The following CCDC125 variants were observed in gnomAD, a reference collection of about 807,000 sequenced individuals.
CCDC125 encodes coiled-coil domain containing 125.
In CCDC125, 43 loss-of-function variants were observed where a neutral mutation model predicts 57.4. That is an observed-to-expected ratio of 0.75 (90% confidence interval 0.59 to 0.97). The LOEUF is 0.97. CCDC125 is among the 50% of genes least tolerant of loss of function. CCDC125 has a pLI of 0.00. For synonymous variants in CCDC125, 187 were observed against 195.2 expected, an observed-to-expected ratio of 0.96 and a Z score of 0.35; for missense variants, 563 against 595.7, an observed-to-expected ratio of 0.95 and a Z score of 0.57.
chr5:69,315,227 G>A (rs1758820552), intron 2 of CCDC125, among the ~76,000 whole-genome samples: 2 of 150,694 alleles, frequency 1.3e-5, no homozygotes, highest in South Asian at 4.2e-4. Context: ...TTAGACTCCA[G>A]CCTGGGAGAC....
intron 2 of CCDC125, among the ~76,000 whole-genome samples, chr5:69,315,900 G>A (rs1245483706): frequency 7.1e-6 from 1 of 139,876 alleles, no homozygotes; most frequent in Non-Finnish European, 1.5e-5. Flanking sequence ...CTTCCTAAGA[G>A]CTTCATTTTC....
chr5:69,294,479 G>C (rs1399442018), intron 9 of CCDC125, among the ~76,000 whole-genome samples: 1 of 152,060 alleles, frequency 6.6e-6, no homozygotes, highest in African/African-American at 2.4e-5. Flanking sequence ...GGCTAGTAGA[G>C]ACGTGGTTTT....
At chr5:69,325,519 A>AT (rs910007063) in intron 1 of CCDC125, among the ~76,000 whole-genome samples, 37 of 151,640 alleles carry the variant, frequency 2.4e-4, no homozygotes, top group African/African-American at 8.5e-4. Context: ...GTGGAGATGG[A>AT]TTTTTTTTAA....
In CCDC125 at chr5:69,285,387, T is replaced by C. The variant is rs1464399244; in HGVS notation, c.1180A>G (p.Met394Val). Residue 394 changes from methionine to valine, a missense_variant, in exon 11 of 12, where the codon ATG (methionine) becomes GTG (valine). Coordinates refer to ENST00000396496, the MANE Select transcript of CCDC125 (RefSeq NM_176816.5). ...MLPSENSSKR[M>V]EDQDSPQEVL... Reference sequence around the variant, plus strand: ...TCTTGAGGACTGTCCTGGTCTTCCATCCTCTTAGAACTGTTTTCTGAAGGG... The same window carrying C: ...TCTTGAGGACTGTCCTGGTCTTCCACCCTCTTAGAACTGTTTTCTGAAGGG... 10 of 1,612,888 alleles carry C rather than the reference T, an allele frequency of 6.2e-6. No individual in the cohort carries two copies. The highest frequency in any genetic ancestry group is 8.5e-6 in the Non-Finnish European group (10 of 1,179,646).
chr5:69,276,835 C>T (rs1752198450), downstream of CCDC125: 4 of 784,096 alleles, frequency 5.1e-6, no homozygotes, highest in South Asian at 7.8e-5. Flanking sequence ...AGTAGAGAGA[C>T]TGTGCCGTTT....
chr5:69,275,481 A>G (rs1001165863), downstream of CCDC125, among the ~76,000 whole-genome samples: 3 of 152,172 alleles, frequency 2.0e-5, no homozygotes, highest in Non-Finnish European at 2.9e-5. Flanking sequence ...AATGTACAAT[A>G]TTTCACTAAG....
chr5:69,285,414 G>A lies in CCDC125; in HGVS notation c.1153C>T (p.Leu385Phe), dbSNP rs1432940848. ...KTFGQRLLGMLPSENSSKRME... is the reference protein window; with the variant it reads ...KTFGQRLLGMFPSENSSKRME... The stretch of plus-strand genomic sequence containing the variant: ...CTCTTAGAACTGTTTTCTGAAGGGA[G>A]CATACCCAACAGTCTCTGCCCGAAG... Residue 385 changes from leucine (L) to phenylalanine (F), a missense_variant, in exon 11 of 12, where the codon CTC becomes TTC. Transcript: ENST00000396496. 3 of 1,610,750 alleles carry A rather than the reference G, an allele frequency of 1.9e-6. No homozygotes were observed. The highest frequency in any genetic ancestry group is 1.1e-5 in the South Asian group (1 of 90,484).
intron 10 of CCDC125, among the ~76,000 whole-genome samples, chr5:69,291,077 TAC>T (rs1421103128): frequency 7.9e-5 from 12 of 152,212 alleles, no homozygotes; most frequent in Admixed American, 7.9e-4. Context: ...TATTTAGAAA[TAC>T]AGTCATCCTA....
chr5:69,294,060 C>T (rs1254423607), intron 9 of CCDC125: 1 of 756,224 alleles, frequency 1.3e-6, no homozygotes, highest in Non-Finnish European at 1.6e-6. Context: ...AGCAAAGATG[C>T]AAACCTAGGT....
intron 1 of CCDC125, among the ~76,000 whole-genome samples, chr5:69,326,930 C>G (rs1198524037): frequency 6.6e-6 from 1 of 151,986 alleles, no homozygotes; most frequent in Non-Finnish European, 1.5e-5. Flanking sequence ...GTGGTGCACA[C>G]CTGTAGTCCC....
chr5:69,287,676 C>T (rs1272719246), intron 10 of CCDC125, among the ~76,000 whole-genome samples: 1 of 151,532 alleles, frequency 6.6e-6, no homozygotes, highest in Non-Finnish European at 1.5e-5. Flanking sequence ...CTCAAGCGAT[C>T]CTCCCACTTC....
intron 3 of CCDC125, among the ~76,000 whole-genome samples, chr5:69,311,942 C>T (rs1234515783): frequency 6.6e-6 from 1 of 152,116 alleles, no homozygotes; most frequent in Non-Finnish European, 1.5e-5. Flanking sequence ...ACTATATTGG[C>T]CAGGCTGGTC....
chr5:69,290,224 T>TA (rs1754173211), intron 10 of CCDC125, among the ~76,000 whole-genome samples: 1 of 151,984 alleles, frequency 6.6e-6, no homozygotes, highest in African/African-American at 2.4e-5. Flanking sequence ...TAGTAATATA[T>TA]ACTGTTTGAA....
chr5:69,277,356 C>A, downstream of CCDC125: 1 of 402,040 alleles, frequency 2.5e-6, no homozygotes, highest in Non-Finnish European at 4.5e-6. Flanking sequence ...AAGTTCAATA[C>A]TCTTGAAATG....
rs913622936 is a variant in CCDC125, at chr5:69,297,479, C to A, written c.816+2533G>T. Among the ~76,000 whole-genome samples, 3 of 151,796 alleles carry A rather than the reference C, an allele frequency of 2.0e-5. No homozygotes were observed. The East Asian group carries it at 5.9e-4, about 30-fold the overall frequency. ...GGTTCAAGCAATTCTCCTGCCTCAG[C>A]CTCCCAAGTAGCTGGGATTACAGGC... On this transcript the variant is annotated intron_variant, in intron 8 of 11. Transcript: ENST00000396496.
intron 10 of CCDC125, among the ~76,000 whole-genome samples, chr5:69,287,541 G>A (rs964647307): frequency 5.3e-5 from 8 of 151,230 alleles, no homozygotes; most frequent in Non-Finnish European, 1.0e-4. Flanking sequence ...GAGATTACAG[G>A]CGTGCCACTG....
At chr5:69,315,715 G>A (rs1206601550) in intron 2 of CCDC125, among the ~76,000 whole-genome samples, 8 of 131,858 alleles carry the variant, frequency 6.1e-5, no homozygotes, top group African/African-American at 2.0e-4. Context: ...CACTGTGATC[G>A]CACCATTGCA....
chr5:69,329,838 G>C (rs761524192), intron 1 of CCDC125, among the ~76,000 whole-genome samples: 2 of 152,034 alleles, frequency 1.3e-5, no homozygotes, highest in African/African-American at 4.8e-5. Flanking sequence ...CCAGGCATAC[G>C]TGACTTGCCC....
chr5:69,300,207 T>G, intron 7 of CCDC125, 80 bp from the exon 8 acceptor site: 1 of 1,013,596 alleles, frequency 9.9e-7, no homozygotes, highest in Non-Finnish European at 1.6e-6. Flanking sequence ...CAACATGACA[T>G]ATTCATTTCG....
Sources: gnomAD v4.1 joint callset for allele counts (sites outside exome capture counted in the v4.1 genomes callset) on GRCh38, gnomAD v4.1.1 for gene constraint, MANE v1.5 for transcripts, NCBI Gene and HGNC (gene_info 2026-07-23, HGNC 2026-07-21) for gene names.